Variants in ATG7 observed in about 807,000 individuals in gnomAD.
ATG7 encodes the protein ubiquitin-like modifier-activating enzyme ATG7.
Under a neutral mutation model 82.4 loss-of-function variants are expected in ATG7, and 70 were observed. That is an observed-to-expected ratio of 0.85 (90% CI 0.70 to 1.04). The LOEUF (loss-of-function observed/expected upper bound fraction) is 1.04. ATG7 is among the 50% of genes least tolerant of loss of function. The pLI is 0.00. For missense variants in ATG7, 792 were observed against 864.3 expected (o/e 0.92, Z 1.05); for synonymous variants, 287 against 313.0 (o/e 0.92, Z 0.88).
chr3:11,571,137 C>A, the ATG7 span, among the ~76,000 whole-genome samples: 3 of 152,180 alleles, frequency 2.0e-5, no homozygotes, highest in Admixed American at 2.0e-4. Flanking sequence ...TACCGGCATT[C>A]GGACTGTCCC....
intron 20 of ATG7, among the ~76,000 whole-genome samples, chr3:11,456,036 A>T (rs1048077899): frequency 3.9e-5 from 6 of 152,038 alleles, no homozygotes; most frequent in Admixed American, 3.3e-4. Flanking sequence ...CAGTTCAATA[A>T]TTTTTTTTAA....
chr3:11,306,930 C>T lies in ATG7; in HGVS notation c.216-13C>T. 6.2e-7 allele frequency: 1 copy of T among 1,608,840 alleles called. No homozygotes were observed. Among genetic ancestry groups the T allele is most frequent in the South Asian group, 1.1e-5 (1 of 90,908 alleles). On this transcript the variant is annotated splice_polypyrimidine_tract_variant and intron_variant, in intron 5 of 20. Coordinates refer to ENST00000693202, the MANE Select transcript of ATG7 (RefSeq NM_001349232.2). ...CAGCTGTGCCTGACTAACCGTGTTTCTCTTGTATCTAGGAGTGCTCCCACC... is the reference window on the plus strand; with the variant it reads ...CAGCTGTGCCTGACTAACCGTGTTTTTCTTGTATCTAGGAGTGCTCCCACC...
chr3:11,502,924 G>T (rs569512408), intron 20 of ATG7, among the ~76,000 whole-genome samples: 1 of 152,296 alleles, frequency 6.6e-6, no homozygotes, highest in Admixed American at 6.5e-5. Flanking sequence ...TTTGCTTTCT[G>T]TTAAGGGTAA....
At chr3:11,380,493 G>GA (rs2077809173) in intron 19 of ATG7, among the ~76,000 whole-genome samples, 1 of 152,142 alleles carries the variant, frequency 6.6e-6, no homozygotes, top group Admixed American at 6.5e-5. Context: ...GGCCTGGATG[G>GA]GGAGCCACTA....
Position 11,531,442 on chromosome 3 carries a change from C to T in ATG7, c.2080-23369C>T, listed in dbSNP as rs112957010. Among the ~76,000 whole-genome samples the T allele has an allele frequency of 6.0e-4, 92 of 152,326 alleles. 1 individual carries two copies. Among genetic ancestry groups the T allele is most frequent in the African/African-American group, 2.2e-3 (90 of 41,570 alleles). On this transcript the variant is annotated intron_variant, in intron 20 of 20. Coordinates refer to ENST00000693202, the MANE Select transcript of ATG7 (RefSeq NM_001349232.2). ...AGCACCTTCCTGAGGTCCCACCACC[C>T]CCTGTGTGCCAGTCCATTACTGGCT...
chr3:11,460,820 T>C (rs1347769718), intron 20 of ATG7, among the ~76,000 whole-genome samples: 1 of 152,222 alleles, frequency 6.6e-6, no homozygotes, highest in East Asian at 1.9e-4. Context: ...CTATGCCTGG[T>C]AAGGGCAGAC....
chr3:11,511,398 T>C (rs951036035), intron 20 of ATG7, among the ~76,000 whole-genome samples: 18 of 152,206 alleles, frequency 1.2e-4, no homozygotes, highest in African/African-American at 4.3e-4. Flanking sequence ...CCAGAGCAGC[T>C]AGATACAGAG....
intron 20 of ATG7, chr3:11,510,048 A>T: frequency 2.9e-6 from 1 of 339,032 alleles, no homozygotes; most frequent in South Asian, 2.2e-5. Context: ...TTCCTCCAAG[A>T]CTAGGGAGAT....
chr3:11,321,357 C>T (rs1950192888), intron 9 of ATG7, among the ~76,000 whole-genome samples: 1 of 152,094 alleles, frequency 6.6e-6, no homozygotes, highest in African/African-American at 2.4e-5. Flanking sequence ...GAGTGGGTAC[C>T]TGCCCCTGAA....
intron 20 of ATG7, among the ~76,000 whole-genome samples, chr3:11,440,674 C>CATTTT (rs769737485): frequency 2.0e-4 from 8 of 39,492 alleles, no homozygotes; most frequent in African/African-American, 7.6e-4. Context: ...TCCCCATTTG[C>CATTTT]TTTTTTTTTT....
At chr3:11,445,278 A>G (rs980624106) in intron 20 of ATG7, among the ~76,000 whole-genome samples, 1 of 152,232 alleles carries the variant, frequency 6.6e-6, no homozygotes, top group Non-Finnish European at 1.5e-5. Flanking sequence ...CACTATTCAC[A>G]ATAGCGAAGA....
At chr3:11,392,997 A>G (rs781537000) in intron 19 of ATG7, among the ~76,000 whole-genome samples, 1 of 152,214 alleles carries the variant, frequency 6.6e-6, no homozygotes, top group African/African-American at 2.4e-5. Context: ...TTGGGTATGT[A>G]TCTCACGTCA....
At chr3:11,511,673 C>T (rs992931720) in intron 20 of ATG7, among the ~76,000 whole-genome samples, 5 of 152,170 alleles carry the variant, frequency 3.3e-5, no homozygotes, top group East Asian at 1.9e-4. Context: ...AGGCTCCGGC[C>T]GCACAGGAGC....
At chr3:11,565,205 C>T in the ATG7 span, among the ~76,000 whole-genome samples, 2 of 152,224 alleles carry the variant, frequency 1.3e-5, no homozygotes, top group East Asian at 1.9e-4. The surrounding 1 kb of genome is among the most constrained non-coding windows in gnomAD (Gnocchi z 4.1). Context: ...CTCTGGGTGC[C>T]GGAGAAGCTG....
chr3:11,289,337 C>T (rs1452201054), intron 3 of ATG7, among the ~76,000 whole-genome samples: 11 of 152,194 alleles, frequency 7.2e-5, no homozygotes, highest in African/African-American at 1.7e-4. Flanking sequence ...ATCTTCCCTT[C>T]CAGCTTAAGC....
intron 9 of ATG7, among the ~76,000 whole-genome samples, chr3:11,326,347 G>A (rs1354912807): frequency 6.6e-6 from 1 of 151,776 alleles, no homozygotes; most frequent in Admixed American, 6.6e-5. Context: ...CACCCAGGCT[G>A]GAGTGCAGTG....
At chr3:11,517,432 G>T (rs2092315062) in intron 20 of ATG7, among the ~76,000 whole-genome samples, 1 of 152,076 alleles carries the variant, frequency 6.6e-6, no homozygotes, top group Admixed American at 6.5e-5. Flanking sequence ...AGGATGAATA[G>T]GTAATGCACA....
At chr3:11,392,341 G>C (rs1397751467) in intron 19 of ATG7, among the ~76,000 whole-genome samples, 1 of 151,908 alleles carries the variant, frequency 6.6e-6, no homozygotes, top group Non-Finnish European at 1.5e-5. Context: ...AATATTTCTG[G>C]TTTGCATTTA....
intron 20 of ATG7, among the ~76,000 whole-genome samples, chr3:11,534,069 C>T (rs1257658476): frequency 1.3e-5 from 2 of 152,204 alleles, no homozygotes; most frequent in Non-Finnish European, 2.9e-5. Context: ...CAGCAGAAAG[C>T]CTCCTCCTCC....
Sources: allele counts gnomAD v4.1 joint callset (sites outside exome capture counted in the v4.1 genomes callset), GRCh38; gene constraint gnomAD v4.1.1; non-coding constraint Gnocchi (gnomAD v3.1); transcripts MANE v1.5; gene names NCBI Gene and HGNC (gene_info 2026-07-23, HGNC 2026-07-21).